The following DMD variants were observed in gnomAD, a reference collection of about 807,000 sequenced individuals.
DMD encodes the protein dystrophin.
In DMD, 63 loss-of-function variants were observed where a neutral mutation model predicts 330.1. The ratio of observed to expected loss-of-function variants is 0.19; its 90% CI spans 0.16 to 0.24. The LOEUF (loss-of-function observed/expected upper bound fraction) is 0.24. Among genes scored for constraint, DMD ranks in the 10% least tolerant of loss-of-function variants. DMD has a pLI of 1.00. For synonymous variants in DMD, 1,223 were observed against 959.8 expected, an observed-to-expected ratio of 1.27 and a Z score of -5.07; for missense variants, 3,344 against 2,684.1, an observed-to-expected ratio of 1.25 and a Z score of -5.43.
chrX:31,780,928 C>T (rs1386058476), intron 50 of DMD, among the ~76,000 whole-genome samples: 4 of 111,574 alleles, frequency 3.6e-5, no homozygotes, highest in Non-Finnish European at 7.5e-5. Flanking sequence ...TCATGATAAC[C>T]ATTTGTATTT....
At chrX:33,314,570 G>GTTTTTTTTTTTTTTTTTTTTTTTT (rs1170142842) in intron 1 of DMD, among the ~76,000 whole-genome samples, 1 of 79,052 alleles carries the variant, frequency 1.3e-5, no homozygotes, top group Non-Finnish European at 2.3e-5. Flanking sequence ...TTTTTTTTTT[G>GTTTTTTTTTTTTTTTTTTTTTTTT]TTTTTTTTTT....
At chrX:31,516,189 GT>G (rs1406069994) in intron 55 of DMD, among the ~76,000 whole-genome samples, 1 of 105,909 alleles carries the variant, frequency 9.4e-6, no homozygotes, top group African/African-American at 3.5e-5. Context: ...AATTTTGTAT[GT>G]CTGGTATTTG....
intron 43 of DMD, among the ~76,000 whole-genome samples, chrX:32,228,756 T>C (rs1395115633): frequency 9.0e-6 from 1 of 111,703 alleles, no homozygotes; most frequent in Non-Finnish European, 1.9e-5. Context: ...AGCTTCCAAG[T>C]CTTAGCTTTC....
chrX:31,502,440 A>G (rs2070493041), intron 56 of DMD, among the ~76,000 whole-genome samples: 1 of 110,704 alleles, frequency 9.0e-6, no homozygotes, highest in Non-Finnish European at 1.9e-5. Flanking sequence ...GGTAGACCCC[A>G]CCTCTTTTTG....
At chrX:32,856,724 T>C (rs1457507603) in intron 2 of DMD, among the ~76,000 whole-genome samples, 2 of 111,447 alleles carry the variant, frequency 1.8e-5, no homozygotes, top group Admixed American at 9.6e-5. Context: ...CTAGTTAGAA[T>C]GAGTAAGATC....
intron 59 of DMD, among the ~76,000 whole-genome samples, chrX:31,471,202 A>C (rs1302632934): frequency 9.0e-6 from 1 of 111,215 alleles, no homozygotes. Context: ...GGGATATGAA[A>C]AAAACGCCTG....
At chrX:32,448,373 G>C (rs1439704952) in intron 27 of DMD, 83 bp downstream of exon 27, 2 of 1,076,939 alleles carry the variant, frequency 1.9e-6, no homozygotes, top group African/African-American at 3.7e-5. Context: ...GTTTTGCACT[G>C]GTATCCATGT....
chrX:32,565,334 A>T (rs759106384), intron 16 of DMD, among the ~76,000 whole-genome samples: 134 of 111,743 alleles, frequency 1.2e-3, no homozygotes, highest in Non-Finnish European at 1.8e-3. Flanking sequence ...CCTAAGTTTC[A>T]TTTTTCTCAA....
chrX:31,842,773 A>G (rs1038916548), intron 48 of DMD, among the ~76,000 whole-genome samples: 4 of 111,711 alleles, frequency 3.6e-5, no homozygotes, highest in Admixed American at 9.5e-5. Flanking sequence ...TTACATTTAT[A>G]TATTTATTGG....
intron 22 of DMD, among the ~76,000 whole-genome samples, chrX:32,471,579 C>A (rs2040633482): frequency 8.9e-6 from 1 of 112,029 alleles, no homozygotes; most frequent in African/African-American, 3.2e-5. Context: ...GTCACTACTT[C>A]CTAAATAATA....
intron 51 of DMD, among the ~76,000 whole-genome samples, chrX:31,738,566 G>A (rs5927826): frequency 0.12 from 13,677 of 111,604 alleles, 693 homozygotes; most frequent in Middle Eastern, 0.22. Flanking sequence ...TAGCATTCCC[G>A]CTGCTGGGTA....
At chrX:31,157,447 T>A (rs1049356695) in intron 74 of DMD, among the ~76,000 whole-genome samples, 1 of 112,091 alleles carries the variant, frequency 8.9e-6, no homozygotes, top group African/African-American at 3.2e-5. Flanking sequence ...CTGGTCATCA[T>A]CAGCCAAAAG....
intron 44 of DMD, among the ~76,000 whole-genome samples, chrX:32,167,005 C>T (rs1181822718): frequency 9.0e-6 from 1 of 111,688 alleles, no homozygotes; most frequent in Non-Finnish European, 1.9e-5. Flanking sequence ...CCCTAGATTA[C>T]AAATGAGTTG....
chrX:32,265,086 G>A (rs750319365), intron 43 of DMD, among the ~76,000 whole-genome samples: 1 of 112,453 alleles, frequency 8.9e-6, no homozygotes, highest in South Asian at 3.7e-4. Context: ...ATTGTCTCCA[G>A]GAAATGCCAG....
intron 2 of DMD, among the ~76,000 whole-genome samples, chrX:32,866,752 G>GGGGGGT (rs2082539861): frequency 2.4e-5 from 2 of 84,153 alleles, no homozygotes; most frequent in Non-Finnish European, 4.6e-5. Flanking sequence ...TGGGGGGGGG[G>GGGGGGT]GGACAGAGTT....
intron 9 of DMD, among the ~76,000 whole-genome samples, chrX:32,650,714 T>C (rs775612136): frequency 8.9e-5 from 10 of 112,186 alleles, no homozygotes; most frequent in East Asian, 5.6e-4. Flanking sequence ...ATTTTTAATA[T>C]AGATAGGGCC....
chrX:32,482,910 G>T (rs949414551), intron 21 of DMD, among the ~76,000 whole-genome samples: 24 of 108,247 alleles, frequency 2.2e-4, no homozygotes, highest in Non-Finnish European at 4.0e-4. Flanking sequence ...GTGTGAAAAA[G>T]CAAGTTTAAA....
At chrX:33,289,924 G>A (rs982412858) in intron 1 of DMD, among the ~76,000 whole-genome samples, 16 of 111,635 alleles carry the variant, frequency 1.4e-4, no homozygotes, top group Non-Finnish European at 2.5e-4. Flanking sequence ...ACTTTTAAAT[G>A]AGCGCATATA....
chrX:32,134,130 CT>C (rs1238131218), intron 44 of DMD, among the ~76,000 whole-genome samples: 2 of 111,261 alleles, frequency 1.8e-5, no homozygotes, highest in Non-Finnish European at 3.8e-5. Flanking sequence ...TACCCTTCTT[CT>C]TTTTTTTCAC....
Sources: allele counts gnomAD v4.1 joint callset (sites outside exome capture counted in the v4.1 genomes callset), GRCh38; gene constraint gnomAD v4.1.1; transcripts MANE v1.5; gene names NCBI Gene and HGNC (gene_info 2026-07-23, HGNC 2026-07-21).